TIAM2: variants seen among roughly 807,000 people sequenced by gnomAD.
TIAM2 encodes the protein rho guanine nucleotide exchange factor TIAM2.
Under a neutral mutation model 152.9 loss-of-function variants are expected in TIAM2, and 80 were observed. The observed-to-expected ratio is 0.52, with a 90% CI of 0.44 to 0.63. TIAM2 has a LOEUF of 0.63. Among genes scored for constraint, TIAM2 ranks in the 30% least tolerant of loss-of-function variants. The pLI is 0.00. For synonymous variants in TIAM2, 804 were observed against 838.0 expected (o/e 0.96, Z 0.70); for missense variants, 1,965 against 2,120.1 (o/e 0.93, Z 1.44).
intron 10 of TIAM2, among the ~76,000 whole-genome samples, chr6:155,177,411 G>T (rs142388980): frequency 1.5e-3 from 231 of 152,300 alleles, no homozygotes; most frequent in African/African-American, 5.3e-3. Flanking sequence ...TTGCTTTATG[G>T]AGATTAATAT....
intron 1 of TIAM2, among the ~76,000 whole-genome samples, chr6:155,068,157 G>A (rs1265514593): frequency 6.6e-6 from 1 of 152,172 alleles, no homozygotes; most frequent in East Asian, 1.9e-4. Context: ...AGGCGCCAGA[G>A]TTTCCAGCCT....
At position 155,029,412 on chromosome 6, in the gene TIAM2, ATATAC is replaced by A. The variant is rs1273255115; in HGVS notation, c.-209+33925_-209+33929del. ...ATATATATACTATAGTATATATAAT[ATATAC>A]TATATATACTATAGTATATATTATA... On this transcript the variant is annotated intron_variant, in intron 1 of 26. Coordinates refer to ENST00000682666, the MANE Select transcript of TIAM2 (RefSeq NM_012454.4). Among the ~76,000 whole-genome samples the A allele has an allele frequency of 1.3e-3, 122 of 91,404 alleles. 4 individuals carry two copies. The highest frequency in any genetic ancestry group is 5.8e-3 in the East Asian group (17 of 2,932). 60.0% of individuals were successfully genotyped at this position (91,404 alleles called of 152,430 possible).
chr6:155,044,840 T>C (rs529444574), intron 1 of TIAM2, among the ~76,000 whole-genome samples: 1 of 147,282 alleles, frequency 6.8e-6, no homozygotes, highest in Non-Finnish European at 1.5e-5. Context: ...AAAAAAAAAA[T>C]AGCTCATCTT....
chr6:155,104,568 T>G (rs533299586), intron 2 of TIAM2, among the ~76,000 whole-genome samples: 1 of 151,968 alleles, frequency 6.6e-6, no homozygotes, highest in Non-Finnish European at 1.5e-5. Flanking sequence ...CCATCCTGGC[T>G]AACACAGTGA....
At chr6:155,172,828 T>G (rs1303174945) in intron 9 of TIAM2, among the ~76,000 whole-genome samples, 1 of 150,688 alleles carries the variant, frequency 6.6e-6, no homozygotes, top group Non-Finnish European at 1.5e-5. Context: ...AGCAGCATCT[T>G]TGACATGGGT....
intron 18 of TIAM2, among the ~76,000 whole-genome samples, chr6:155,245,036 A>T (rs989349928): frequency 1.3e-5 from 2 of 152,080 alleles, no homozygotes; most frequent in Non-Finnish European, 2.9e-5. Flanking sequence ...TTGACCACGT[A>T]CGTGCTCTTT....
At chr6:155,027,112 T>G (rs999667892) in intron 1 of TIAM2, among the ~76,000 whole-genome samples, 5 of 151,880 alleles carry the variant, frequency 3.3e-5, no homozygotes, top group African/African-American at 1.2e-4. Context: ...CTTGGCTCAC[T>G]ACAACCTCTG....
chr6:155,069,931 G>A (rs1459842613), intron 1 of TIAM2, among the ~76,000 whole-genome samples: 1 of 53,786 alleles, frequency 1.9e-5, no homozygotes. Context: ...TTTTTTTTTT[G>A]AGACAAGGTC....
chr6:155,066,179 GGCCTCCCAAAGGGC>G (rs1170015135), intron 1 of TIAM2, among the ~76,000 whole-genome samples: 29 of 40,008 alleles, frequency 7.2e-4, no homozygotes, highest in African/African-American at 1.9e-3. Context: ...AAGGGCCTTT[GGCCTCCCAAAGGGC>G]TGGGATTACA....
At chr6:155,221,940 CTTCTTAT>C (rs1156461529) in intron 15 of TIAM2, among the ~76,000 whole-genome samples, 1 of 150,066 alleles carries the variant, frequency 6.7e-6, no homozygotes, top group African/African-American at 2.5e-5. Flanking sequence ...GCCTATTCTT[CTTCTTAT>C]TTATTTATTT....
chr6:155,146,433 G>A (rs951300504), intron 6 of TIAM2, among the ~76,000 whole-genome samples: 1 of 152,062 alleles, frequency 6.6e-6, no homozygotes, highest in African/African-American at 2.4e-5. Context: ...GATCCCAGAG[G>A]CCACTTGAGG....
intron 6 of TIAM2, among the ~76,000 whole-genome samples, chr6:155,147,647 G>T (rs1032995437): frequency 6.6e-6 from 1 of 152,118 alleles, no homozygotes; most frequent in Non-Finnish European, 1.5e-5. Context: ...CACCACGCCC[G>T]GCTAATTTTT....
chr6:155,007,507 A>G (rs1466798035), intron 1 of TIAM2, among the ~76,000 whole-genome samples: 1 of 151,682 alleles, frequency 6.6e-6, no homozygotes, highest in Non-Finnish European at 1.5e-5. Context: ...GGAAATTTTT[A>G]AGGAAAACAT....
chr6:155,139,964 C>G (rs1366262226), intron 5 of TIAM2, among the ~76,000 whole-genome samples: 1 of 151,808 alleles, frequency 6.6e-6, no homozygotes, highest in Non-Finnish European at 1.5e-5. Context: ...AACAAACAAA[C>G]CAAAACAAGT....
At chr6:155,109,006 CAG>C (rs1434218609) in intron 2 of TIAM2, among the ~76,000 whole-genome samples, 3 of 152,034 alleles carry the variant, frequency 2.0e-5, no homozygotes, top group Non-Finnish European at 4.4e-5. Flanking sequence ...TGTTTTGAAA[CAG>C]AGTCTCACTC....
intron 2 of TIAM2, among the ~76,000 whole-genome samples, chr6:155,105,397 C>T (rs1011947507): frequency 1.3e-5 from 2 of 152,172 alleles, no homozygotes; most frequent in Non-Finnish European, 2.9e-5. Flanking sequence ...GTGATCTGCC[C>T]GCATTGGCCT....
At chr6:155,061,420 C>T in intron 1 of TIAM2, among the ~76,000 whole-genome samples, 1 of 148,042 alleles carries the variant, frequency 6.8e-6, no homozygotes. Context: ...CTACTTACAT[C>T]TGCAACTTGA....
intron 16 of TIAM2, among the ~76,000 whole-genome samples, chr6:155,242,246 C>A (rs981041392): frequency 2.0e-5 from 3 of 152,256 alleles, no homozygotes; most frequent in African/African-American, 7.2e-5. Context: ...GGCCCCAACA[C>A]CCTCGGACAA....
chr6:155,037,622 A>G (rs9397219), intron 1 of TIAM2, among the ~76,000 whole-genome samples: 22,117 of 152,050 alleles, frequency 0.15, 1,877 homozygotes, highest in East Asian at 0.32. Flanking sequence ...TCTGCCTCCC[A>G]GGTTCAGGCA....
Sources: allele counts gnomAD v4.1 joint callset (sites outside exome capture counted in the v4.1 genomes callset), GRCh38; gene constraint gnomAD v4.1.1; transcripts MANE v1.5; gene names NCBI Gene and HGNC (gene_info 2026-07-23, HGNC 2026-07-21).